NRG3: variants seen among roughly 807,000 people sequenced by gnomAD.
The protein encoded by NRG3 is pro-neuregulin-3, membrane-bound isoform.
In NRG3, 31 loss-of-function variants were observed where a neutral mutation model predicts 66.9. The ratio of observed to expected loss-of-function variants is 0.46; its 90% CI spans 0.35 to 0.63. The LOEUF is 0.63. Ranked by LOEUF, NRG3 falls within the 20% of genes least tolerant of loss-of-function variation. The pLI, the probability that NRG3 is intolerant of heterozygous loss-of-function variation, is 0.00. For missense variants in NRG3, 910 were observed against 878.9 expected, an observed-to-expected ratio of 1.04 and a Z score of -0.45; for synonymous variants, 393 against 359.4, an observed-to-expected ratio of 1.09 and a Z score of -1.06.
intron 1 of NRG3, among the ~76,000 whole-genome samples, chr10:82,144,580 T>C (rs2070103365): frequency 6.6e-6 from 1 of 152,198 alleles, no homozygotes; most frequent in African/African-American, 2.4e-5. Flanking sequence ...AGAAGACGTG[T>C]AATAAAATTC....
intron 1 of NRG3, among the ~76,000 whole-genome samples, chr10:82,188,254 T>C (rs2073928860): frequency 6.6e-6 from 1 of 152,118 alleles, no homozygotes; most frequent in South Asian, 2.1e-4. Flanking sequence ...AAATTGGATA[T>C]ATGCAGAAGA....
chr10:82,136,330 C>T (rs2069341109), intron 1 of NRG3, among the ~76,000 whole-genome samples: 1 of 152,138 alleles, frequency 6.6e-6, no homozygotes, highest in African/African-American at 2.4e-5. Flanking sequence ...CAACCATTGC[C>T]TGGCTCCCAC....
intron 1 of NRG3, among the ~76,000 whole-genome samples, chr10:81,974,904 A>G (rs2060062103): frequency 6.6e-6 from 1 of 152,144 alleles, no homozygotes; most frequent in Non-Finnish European, 1.5e-5. Flanking sequence ...TTGTTTAGCC[A>G]CCTGACTTTT....
intron 1 of NRG3, among the ~76,000 whole-genome samples, chr10:82,175,398 A>G (rs1289223050): frequency 6.6e-6 from 1 of 152,052 alleles, no homozygotes; most frequent in Non-Finnish European, 1.5e-5. Flanking sequence ...TTACAGCATC[A>G]CCTTGACCTA....
intron 1 of NRG3, among the ~76,000 whole-genome samples, chr10:82,321,262 A>G (rs1431941338): frequency 6.7e-6 from 1 of 149,390 alleles, no homozygotes; most frequent in Admixed American, 6.6e-5. Context: ...GTGGCTGAAC[A>G]GGTAAGCCAC....
At chr10:82,087,429 A>G (rs1165434103) in intron 1 of NRG3, among the ~76,000 whole-genome samples, 2 of 152,032 alleles carry the variant, frequency 1.3e-5, no homozygotes, top group African/African-American at 2.4e-5. Context: ...AGGGATGAAC[A>G]CAGTAAATAC....
chr10:82,080,925 G>A (rs2065357840), intron 1 of NRG3, among the ~76,000 whole-genome samples: 1 of 152,056 alleles, frequency 6.6e-6, no homozygotes, highest in Non-Finnish European at 1.5e-5. Flanking sequence ...AACATCCCCA[G>A]CCTTGGTAAC....
intron 1 of NRG3, among the ~76,000 whole-genome samples, chr10:82,203,539 G>A (rs897482205): frequency 6.6e-6 from 1 of 152,152 alleles, no homozygotes; most frequent in East Asian, 1.9e-4. Flanking sequence ...TCAGCATAAA[G>A]ACTAGGCTTA....
intron 2 of NRG3, among the ~76,000 whole-genome samples, chr10:82,711,665 A>G (rs1034092842): frequency 3.3e-5 from 5 of 151,900 alleles, no homozygotes; most frequent in African/African-American, 9.7e-5. Context: ...GACTTCTTCC[A>G]ATGCTACTTA....
intron 1 of NRG3, among the ~76,000 whole-genome samples, chr10:82,187,114 TAATG>T (rs2073852320): frequency 6.6e-6 from 1 of 152,170 alleles, no homozygotes; most frequent in South Asian, 2.1e-4. Context: ...AAATATAAAT[TAATG>T]AATAAAATAA....
At chr10:82,390,789 A>T (rs1156598409) in intron 2 of NRG3, among the ~76,000 whole-genome samples, 1 of 152,200 alleles carries the variant, frequency 6.6e-6, no homozygotes, top group African/African-American at 2.4e-5. Flanking sequence ...GGTTGTAATT[A>T]GACAAAACAG....
At chr10:82,027,663 T>C (rs1432459538) in intron 1 of NRG3, among the ~76,000 whole-genome samples, 1 of 152,122 alleles carries the variant, frequency 6.6e-6, no homozygotes, top group African/African-American at 2.4e-5. Flanking sequence ...ATTAACTGCA[T>C]ACTTGGCATC....
intron 2 of NRG3, among the ~76,000 whole-genome samples, chr10:82,547,703 G>C (rs763427369): frequency 3.6e-4 from 54 of 151,820 alleles, no homozygotes; most frequent in Non-Finnish European, 1.0e-4. Flanking sequence ...CACTGGATTT[G>C]CTGGCTTTTT....
intron 1 of NRG3, among the ~76,000 whole-genome samples, chr10:82,148,925 G>T (rs1341043344): frequency 6.6e-6 from 1 of 151,932 alleles, no homozygotes; most frequent in African/African-American, 2.4e-5. Context: ...AGCCAAACTG[G>T]CAATATAAAT....
intron 2 of NRG3, among the ~76,000 whole-genome samples, chr10:82,598,490 G>A (rs2047420108): frequency 6.6e-6 from 1 of 152,082 alleles, no homozygotes; most frequent in Admixed American, 6.6e-5. Flanking sequence ...CATATCTCTT[G>A]GACACATGAC....
At chr10:82,781,452 C>T (rs1451589174) in intron 3 of NRG3, among the ~76,000 whole-genome samples, 1 of 152,090 alleles carries the variant, frequency 6.6e-6, no homozygotes, top group East Asian at 1.9e-4. Flanking sequence ...TTAATGAAAC[C>T]TCTATCTTGG....
intron 6 of NRG3, among the ~76,000 whole-genome samples, chr10:82,965,572 C>T (rs1851130554): frequency 6.6e-6 from 1 of 152,040 alleles, no homozygotes; most frequent in Admixed American, 6.6e-5. Flanking sequence ...CTTGACCCTA[C>T]TAAAAATCCA....
chr10:82,229,625 A>G (rs1459915231), intron 1 of NRG3, among the ~76,000 whole-genome samples: 1 of 152,190 alleles, frequency 6.6e-6, no homozygotes, highest in African/African-American at 2.4e-5. Context: ...GTCCTTCTTC[A>G]CATGGCAGCA....
intron 1 of NRG3, among the ~76,000 whole-genome samples, chr10:82,310,841 A>T (rs563637915): frequency 1.3e-5 from 2 of 152,258 alleles, no homozygotes; most frequent in Non-Finnish European, 2.9e-5. Flanking sequence ...ACTCCCTTAG[A>T]ATACTTGTAA....
Sources: gnomAD v4.1 joint callset for allele counts (sites outside exome capture counted in the v4.1 genomes callset) on GRCh38, gnomAD v4.1.1 for gene constraint, MANE v1.5 for transcripts, NCBI Gene and HGNC (gene_info 2026-07-23, HGNC 2026-07-21) for gene names.